The following HS6ST3 variants were observed in gnomAD, a reference collection of about 807,000 sequenced individuals.
HS6ST3 encodes the protein heparan-sulfate 6-O-sulfotransferase 3.
A neutral mutation model predicts 36.7 loss-of-function variants in HS6ST3; 12 were observed. The ratio of observed to expected loss-of-function variants is 0.33; its 90% CI spans 0.21 to 0.53. The LOEUF (loss-of-function observed/expected upper bound fraction) is 0.53. Among genes scored for constraint, HS6ST3 ranks in the 20% least tolerant of loss-of-function variants. The pLI, the probability that HS6ST3 is intolerant of heterozygous loss-of-function variation, is 0.95. For missense variants in HS6ST3, 584 were observed against 640.9 expected (o/e 0.91, Z 0.96); for synonymous variants, 240 against 257.5 (o/e 0.93, Z 0.65).
intron 1 of HS6ST3, among the ~76,000 whole-genome samples, chr13:96,363,605 T>G (rs1400438421): frequency 6.6e-6 from 1 of 152,204 alleles, no homozygotes; most frequent in Admixed American, 6.5e-5. Flanking sequence ...TTATCTTTTT[T>G]AAACACTTGT....
At chr13:96,784,914 T>C (rs1566453134) in intron 1 of HS6ST3, among the ~76,000 whole-genome samples, 1 of 152,194 alleles carries the variant, frequency 6.6e-6, no homozygotes, top group Non-Finnish European at 1.5e-5. Context: ...ACTCCTGCGA[T>C]CCCAGCACTT....
At chr13:96,416,752 A>ATT (rs1023013886) in intron 1 of HS6ST3, among the ~76,000 whole-genome samples, 42 of 130,856 alleles carry the variant, frequency 3.2e-4, no homozygotes, top group Non-Finnish European at 4.6e-4. Context: ...ATAGGGTAAC[A>ATT]TTTTTTTTTT....
chr13:96,695,932 T>C (rs1875115613), intron 1 of HS6ST3, among the ~76,000 whole-genome samples: 1 of 152,094 alleles, frequency 6.6e-6, no homozygotes, highest in African/African-American at 2.4e-5. Flanking sequence ...AGAATATATA[T>C]TCATAACTTC....
At chr13:96,348,252 G>T (rs1193774506) in intron 1 of HS6ST3, among the ~76,000 whole-genome samples, 2 of 152,220 alleles carry the variant, frequency 1.3e-5, no homozygotes, top group Non-Finnish European at 2.9e-5. Flanking sequence ...GATTCTGCAA[G>T]AGTGAAGGCC....
chr13:96,576,373 G>C (rs970670173), intron 1 of HS6ST3, among the ~76,000 whole-genome samples: 1 of 152,132 alleles, frequency 6.6e-6, no homozygotes, highest in Non-Finnish European at 1.5e-5. Flanking sequence ...TAAATGTCTT[G>C]TTAAAAACAG....
Position 96,771,510 on chromosome 13 carries a change from T to C in HS6ST3, c.708-60980T>C, listed in dbSNP as rs117975755. 1.5e-4 allele frequency among the ~76,000 whole-genome samples: 23 copies of C among 152,270 alleles called. No individual in the cohort carries two copies. The East Asian group carries it at 4.2e-3, about 28-fold the overall frequency. ...GTAATCACTCTACTGTTCACAGAAG[T>C]ATAAAATAAGCCGACCGAAAATGGC... On this transcript the variant is annotated intron_variant, in intron 1 of 1. Transcript: ENST00000376705.
In HS6ST3 at chr13:96,835,845, G is replaced by A. The variant is rs962454335; in HGVS notation, c.*2647G>A. ...CTTCTGCTGAAGGCATGATGTATGC[G>A]GCTCCACTTGAGACCAGGTATCAGG... On this transcript the variant is annotated 3_prime_UTR_variant, in exon 2 of 2. Transcript: ENST00000376705. The A allele has an allele frequency of 3.3e-5, 5 of 152,118 alleles. No individual in the cohort carries two copies. The highest frequency in any genetic ancestry group is 3.3e-4 in the Admixed American group (5 of 15,274). 9.4% of individuals were successfully genotyped at this position (152,118 alleles called of 1,614,324 possible).
chr13:96,111,781 G>A (rs1055113230), intron 1 of HS6ST3, among the ~76,000 whole-genome samples: 3 of 152,022 alleles, frequency 2.0e-5, no homozygotes, highest in Non-Finnish European at 4.4e-5. Flanking sequence ...AAAATATAAG[G>A]GAATAAGCTT....
At chr13:96,152,556 C>G (rs1364823544) in intron 1 of HS6ST3, among the ~76,000 whole-genome samples, 1 of 152,056 alleles carries the variant, frequency 6.6e-6, no homozygotes, top group East Asian at 1.9e-4. Flanking sequence ...CCAGGATGGT[C>G]TCCATCTCCT....
rs1413863651 is a variant in HS6ST3 at position 96,746,745 on chromosome 13, C to CCT, written c.708-85744_708-85743dup. ...ATTCTATTTTTACATCAAGATATCC[C>CCT]CTGGAACTCTAATCTAATTAATGGT... is the stretch of plus-strand genomic sequence containing the variant. On this transcript the variant is annotated intron_variant, in intron 1 of 1. Transcript: ENST00000376705. 3.3e-5 allele frequency among the ~76,000 whole-genome samples: 5 copies of CCT among 151,972 alleles called. No individual in the cohort carries two copies. In the South Asian group the frequency reaches 1.0e-3, roughly 32 times the overall value.
intron 1 of HS6ST3, among the ~76,000 whole-genome samples, chr13:96,550,650 T>TG (rs1408365583): frequency 6.7e-6 from 1 of 150,348 alleles, no homozygotes; most frequent in African/African-American, 2.5e-5. Context: ...CAATATTTTA[T>TG]GTTTTTTTTT....
chr13:96,099,971 G>A (rs1335958634), intron 1 of HS6ST3, among the ~76,000 whole-genome samples: 2 of 152,032 alleles, frequency 1.3e-5, no homozygotes, highest in East Asian at 3.9e-4. Flanking sequence ...TAAATCTGAG[G>A]GTAAGAGCCC....
intron 1 of HS6ST3, among the ~76,000 whole-genome samples, chr13:96,573,148 T>G (rs2056307137): frequency 6.6e-6 from 1 of 152,210 alleles, no homozygotes; most frequent in South Asian, 2.1e-4. Context: ...TCTCCGGACC[T>G]ACTTGGCTGG....
At chr13:96,778,625 A>G (rs994302841) in intron 1 of HS6ST3, among the ~76,000 whole-genome samples, 1 of 152,226 alleles carries the variant, frequency 6.6e-6, no homozygotes, top group African/African-American at 2.4e-5. Flanking sequence ...ATGGCATACC[A>G]TCTCACACCA....
intron 1 of HS6ST3, among the ~76,000 whole-genome samples, chr13:96,491,496 A>G (rs1164046850): frequency 1.4e-5 from 2 of 146,852 alleles, no homozygotes; most frequent in African/African-American, 5.0e-5. Flanking sequence ...AAAAATACCC[A>G]GAACAGTGCA....
chr13:96,158,543 C>G (rs1212916609), intron 1 of HS6ST3, among the ~76,000 whole-genome samples: 1 of 148,302 alleles, frequency 6.7e-6, no homozygotes, highest in Non-Finnish European at 1.5e-5. Flanking sequence ...GTCCCAGCTA[C>G]TCGGGAGGCT....
chr13:96,758,619 C>G (rs905324111), intron 1 of HS6ST3, among the ~76,000 whole-genome samples: 1 of 151,696 alleles, frequency 6.6e-6, no homozygotes, highest in African/African-American at 2.4e-5. Context: ...TTGTATTTTT[C>G]TTGACTCATG....
chr13:96,257,917 C>A (rs2054645069), intron 1 of HS6ST3, among the ~76,000 whole-genome samples: 2 of 152,188 alleles, frequency 1.3e-5, no homozygotes, highest in Non-Finnish European at 2.9e-5. Flanking sequence ...ACCCAAAAGA[C>A]AAACGTCATT....
intron 1 of HS6ST3, among the ~76,000 whole-genome samples, chr13:96,405,620 T>G (rs1006025940): frequency 2.6e-5 from 4 of 152,218 alleles, no homozygotes; most frequent in Non-Finnish European, 4.4e-5. Flanking sequence ...TCTTAAATAT[T>G]AAGCGCATCC....
Sources: gnomAD v4.1 joint callset for allele counts (sites outside exome capture counted in the v4.1 genomes callset) on GRCh38, gnomAD v4.1.1 for gene constraint, MANE v1.5 for transcripts, NCBI Gene and HGNC (gene_info 2026-07-23, HGNC 2026-07-21) for gene names.